SLC24A2: variants seen among roughly 807,000 people sequenced by gnomAD.
SLC24A2 encodes the protein sodium/potassium/calcium exchanger 2.
Under a neutral mutation model 62.0 loss-of-function variants are expected in SLC24A2, and 36 were observed. The observed-to-expected ratio is 0.58, with a 90% CI of 0.44 to 0.77. The LOEUF (loss-of-function observed/expected upper bound fraction) is 0.77. Among genes scored for constraint, SLC24A2 ranks in the 30% least tolerant of loss-of-function variants. SLC24A2 has a pLI of 0.00. For synonymous variants in SLC24A2, 358 were observed against 294.0 expected (o/e 1.22, Z -2.23); for missense variants, 846 against 817.9 (o/e 1.03, Z -0.42).
At chr9:19,980,190 T>C in the SLC24A2 span, among the ~76,000 whole-genome samples, 1 of 152,212 alleles carries the variant, frequency 6.6e-6, no homozygotes, top group African/African-American at 2.4e-5. Flanking sequence ...ACTTTTCAAA[T>C]TTAATCTGCA....
At chr9:19,716,560 C>G (rs143167546) in intron 2 of SLC24A2, among the ~76,000 whole-genome samples, 1 of 152,338 alleles carries the variant, frequency 6.6e-6, no homozygotes, top group Non-Finnish European at 1.5e-5. Context: ...TATGACTCTC[C>G]TGAACAACAC....
chr9:19,875,417 C>A, the SLC24A2 span, among the ~76,000 whole-genome samples: 1 of 152,192 alleles, frequency 6.6e-6, no homozygotes, highest in Admixed American at 6.5e-5. Flanking sequence ...TTGGCAGAGT[C>A]TCTAACTGAA....
chr9:19,841,200 T>C, the SLC24A2 span, among the ~76,000 whole-genome samples: 1 of 152,132 alleles, frequency 6.6e-6, no homozygotes, highest in Non-Finnish European at 1.5e-5. Flanking sequence ...TTTGTGGAGA[T>C]TGTTTTCTGG....
intron 2 of SLC24A2, among the ~76,000 whole-genome samples, chr9:19,641,517 ATT>A (rs5896853): frequency 4.9e-5 from 7 of 143,054 alleles, no homozygotes; most frequent in African/African-American, 7.7e-5. Context: ...TTACTTAAAC[ATT>A]TTTTTTTTTT....
the SLC24A2 span, among the ~76,000 whole-genome samples, chr9:20,258,386 T>C: frequency 6.6e-6 from 1 of 152,184 alleles, no homozygotes; most frequent in East Asian, 1.9e-4. Flanking sequence ...TCTTTGAGGG[T>C]GTTTTCAGAG....
intron 2 of SLC24A2, among the ~76,000 whole-genome samples, chr9:19,776,153 A>C (rs1023206636): frequency 7.2e-5 from 11 of 152,250 alleles, no homozygotes; most frequent in African/African-American, 2.7e-4. Context: ...GGTCAAAAAC[A>C]TTTGAAAGTC....
rs1819823229 is a variant in SLC24A2, at chr9:19,684,588, C to T, written c.931-62289G>A. Among the ~76,000 whole-genome samples the T allele has an allele frequency of 2.0e-5, 3 of 152,034 alleles. No homozygotes were observed. In the South Asian group the frequency reaches 6.2e-4, roughly 32 times the overall value. ...CTGACAGGCAAAGGTGACCCTTGAA[C>T]ATTTTAAGGGTTTCAGGGTAGTGAG... On this transcript the variant is annotated intron_variant, in intron 2 of 10. Coordinates refer to ENST00000341998, the MANE Select transcript of SLC24A2 (RefSeq NM_020344.4).
At chr9:20,021,519 T>C in the SLC24A2 span, among the ~76,000 whole-genome samples, 3 of 152,022 alleles carry the variant, frequency 2.0e-5, no homozygotes, top group Non-Finnish European at 4.4e-5. Context: ...TTTCTTGCCC[T>C]GGAATACTTT....
the SLC24A2 span, among the ~76,000 whole-genome samples, chr9:20,080,358 C>G: frequency 1.3e-5 from 2 of 152,080 alleles, no homozygotes; most frequent in African/African-American, 4.8e-5. Context: ...ACAAACCTGA[C>G]AAAAAGAAGA....
At chr9:20,198,541 C>T in the SLC24A2 span, among the ~76,000 whole-genome samples, 1 of 152,172 alleles carries the variant, frequency 6.6e-6, no homozygotes, top group African/African-American at 2.4e-5. Flanking sequence ...CAGGCTCATC[C>T]CAATAGCTTT....
At chr9:19,826,128 T>C in the SLC24A2 span, among the ~76,000 whole-genome samples, 1,501 of 118,162 alleles carry the variant, frequency 0.013, 26 homozygotes, top group African/African-American at 0.048. Flanking sequence ...AAAATGATCA[T>C]AACGCAAAAT....
chr9:19,557,203 T>C (rs1859959253), intron 7 of SLC24A2, among the ~76,000 whole-genome samples: 1 of 152,226 alleles, frequency 6.6e-6, no homozygotes, highest in African/African-American at 2.4e-5. Context: ...GAATGGGCTT[T>C]ACATCCAGTT....
chr9:19,803,540 T>G, the SLC24A2 span, among the ~76,000 whole-genome samples: 1 of 152,176 alleles, frequency 6.6e-6, no homozygotes, highest in East Asian at 1.9e-4. Flanking sequence ...TTAAAAAATC[T>G]GGATATTTTA....
chr9:19,983,510 G>A, the SLC24A2 span, among the ~76,000 whole-genome samples: 2 of 152,130 alleles, frequency 1.3e-5, no homozygotes, highest in African/African-American at 4.8e-5. Context: ...GGGCATGGTG[G>A]CATTCACCTG....
upstream of SLC24A2, among the ~76,000 whole-genome samples, chr9:19,789,899 T>A (rs1330779782): frequency 6.6e-6 from 1 of 152,152 alleles, no homozygotes; most frequent in African/African-American, 2.4e-5. Flanking sequence ...CTCTCCCCCA[T>A]CCAAGAGGGT....
At chr9:19,641,517 A>AT (rs5896853) in intron 2 of SLC24A2, among the ~76,000 whole-genome samples, 88,271 of 143,020 alleles carry the variant, frequency 0.62, 27,813 homozygotes, top group East Asian at 0.77. Context: ...TTACTTAAAC[A>AT]TTTTTTTTTT....
the SLC24A2 span, among the ~76,000 whole-genome samples, chr9:20,106,792 A>G: frequency 6.6e-6 from 1 of 152,162 alleles, no homozygotes; most frequent in South Asian, 2.1e-4. Context: ...CTGGCACAAG[A>G]CAGGGATGCC....
the SLC24A2 span, among the ~76,000 whole-genome samples, chr9:20,023,719 T>G: frequency 1.3e-5 from 2 of 152,180 alleles, no homozygotes; most frequent in Non-Finnish European, 2.9e-5. Context: ...AGTGATTTTG[T>G]TCAGAATTAG....
the SLC24A2 span, among the ~76,000 whole-genome samples, chr9:20,080,673 C>T: frequency 5.3e-5 from 8 of 152,260 alleles, no homozygotes; most frequent in East Asian, 1.2e-3. Context: ...AAGAAACTAC[C>T]ATCAGAGTGA....
Sources: allele counts gnomAD v4.1 joint callset (sites outside exome capture counted in the v4.1 genomes callset), GRCh38; gene constraint gnomAD v4.1.1; transcripts MANE v1.5; gene names NCBI Gene and HGNC (gene_info 2026-07-23, HGNC 2026-07-21).